The following SMCHD1 variants were observed in gnomAD, a reference collection of about 807,000 sequenced individuals.
The protein encoded by SMCHD1 is structural maintenance of chromosomes flexible hinge domain-containing protein 1.
SMCHD1 carries 78 observed loss-of-function variants against 254.7 expected under a neutral mutation model. The observed-to-expected ratio is 0.31, with a 90% CI of 0.26 to 0.37. The LOEUF (loss-of-function observed/expected upper bound fraction) is 0.37. Ranked by LOEUF, SMCHD1 falls within the 10% of genes least tolerant of loss-of-function variation. SMCHD1 has a pLI of 1.00. For synonymous variants in SMCHD1, 766 were observed against 794.9 expected (o/e 0.96, Z 0.61); for missense variants, 1,840 against 2,408.1 (o/e 0.76, Z 4.94).
Position 2,666,913 on chromosome 18 carries a change from G to A in SMCHD1, c.306G>A (p.Ser102=), listed in dbSNP as rs7229488. 1.2e-4 allele frequency: 196 copies of A among 1,613,102 alleles called. No individual in the cohort carries two copies. The African/African-American group carries it at 2.2e-3, about 18-fold the overall frequency. The change falls in exon 3 of 48, where the codon TCG becomes TCA. Residue 102 remains serine, a synonymous_variant. Transcript: ENST00000320876. ...KDGVTLYLLQ[S]VNQLLLTATK... is the part of the protein sequence containing the mutation. ...GAGTCACCTTATACCTGCTACAGTC[G>A]GTCAATCAGTTACTACTGACAGCTA...
intron 12 of SMCHD1, among the ~76,000 whole-genome samples, chr18:2,701,888 G>T (rs1227451948): frequency 6.6e-6 from 1 of 151,882 alleles, no homozygotes; most frequent in Non-Finnish European, 1.5e-5. Context: ...CATAGTATTT[G>T]TAGTCAGTCA....
intron 13 of SMCHD1, 52 bp downstream of exon 13, chr18:2,703,938 AAC>A (rs1283131362): frequency 1.8e-5 from 25 of 1,361,850 alleles, no homozygotes; most frequent in Admixed American, 2.6e-5. Flanking sequence ...TTTAATTTAA[AAC>A]ACATATGCAG....
intron 17 of SMCHD1, among the ~76,000 whole-genome samples, chr18:2,714,396 A>G (rs1234866461): frequency 6.6e-6 from 1 of 152,068 alleles, no homozygotes; most frequent in African/African-American, 2.4e-5. Context: ...TGTGAGTAGC[A>G]TTTAGTTGGT....
intron 5 of SMCHD1, among the ~76,000 whole-genome samples, chr18:2,674,758 A>G (rs1310129013): frequency 1.3e-5 from 2 of 152,228 alleles, no homozygotes; most frequent in Non-Finnish European, 2.9e-5. Flanking sequence ...ATGTTGCTCT[A>G]CTTCTAACAA....
intron 47 of SMCHD1, among the ~76,000 whole-genome samples, chr18:2,800,154 A>G (rs1048977950): frequency 1.3e-5 from 2 of 151,934 alleles, no homozygotes; most frequent in Non-Finnish European, 2.9e-5. Flanking sequence ...AGTCAGTTAG[A>G]ACAAAAGAGT....
intron 40 of SMCHD1, 128 bp from the exon 41 acceptor site, chr18:2,772,122 A>C: frequency 1.5e-6 from 1 of 669,288 alleles, no homozygotes; most frequent in Non-Finnish European, 2.1e-6. Context: ...TTTTTTTTTT[A>C]ATAATGCCTA....
At chr18:2,751,252 T>G (rs2075565312) in intron 32 of SMCHD1, 26 bp from the exon 33 acceptor site, 5 of 1,309,834 alleles carry the variant, frequency 3.8e-6, no homozygotes, top group Non-Finnish European at 5.4e-6. Context: ...TAGAAAGAGA[T>G]AATTTTTTAA....
intron 39 of SMCHD1, among the ~76,000 whole-genome samples, 158 bp from the exon 40 acceptor site, chr18:2,771,375 A>G (rs1298844588): frequency 6.6e-6 from 1 of 152,162 alleles, no homozygotes; most frequent in African/African-American, 2.4e-5. Flanking sequence ...CTTAAGATGT[A>G]TAGTTTAATT....
rs596500 is a variant in SMCHD1, at chr18:2,674,254, T to C, written c.638+109T>C. 0.051 allele frequency: 42,837 copies of C among 833,534 alleles called. 7,406 individuals are homozygous for C. Among genetic ancestry groups the C allele is most frequent in the African/African-American group, 0.5 (27,842 of 56,232 alleles). The allele number at this position is 833,534 out of a possible 1,614,324, so 51.6% of individuals were successfully genotyped here. A position where few individuals can be genotyped will look rare whatever the true frequency, so the allele number is the denominator to read the frequency against. On this transcript the variant is annotated intron_variant, in intron 5 of 47. Coordinates refer to ENST00000320876, the MANE Select transcript of SMCHD1 (RefSeq NM_015295.3). Reference sequence around the variant, plus strand: ...TGATACATTGGAGGTTTTACTGTTATTCACATATTTATTTAGGTTTTATAT... The same window carrying C: ...TGATACATTGGAGGTTTTACTGTTACTCACATATTTATTTAGGTTTTATAT...
chr18:2,740,181 G>T (rs573805235), intron 27 of SMCHD1, among the ~76,000 whole-genome samples: 82 of 152,106 alleles, frequency 5.4e-4, no homozygotes, highest in Admixed American at 1.6e-3. Flanking sequence ...AGAACATGTG[G>T]TGTTTGGTTT....
chr18:2,779,386 G>A (rs1372020490), intron 44 of SMCHD1, among the ~76,000 whole-genome samples: 1 of 152,184 alleles, frequency 6.6e-6, no homozygotes, highest in Admixed American at 6.5e-5. Context: ...ATGAGGGTGA[G>A]ATAGAGTAGG....
chr18:2,774,446 C>T (rs1219064978), intron 41 of SMCHD1, among the ~76,000 whole-genome samples: 2 of 152,062 alleles, frequency 1.3e-5, no homozygotes, highest in African/African-American at 4.8e-5. Context: ...GGATCTCACT[C>T]CTGTCGCCCA....
In SMCHD1 at chr18:2,748,380, G is replaced by GTGTGTGTGTA. The variant is rs561439889; in HGVS notation, c.3927+736_3927+737insGTGTGTATGT. 3.2e-3 allele frequency among the ~76,000 whole-genome samples: 253 copies of GTGTGTGTGTA among 80,236 alleles called. 22 individuals are homozygous for GTGTGTGTGTA. The highest frequency in any genetic ancestry group is 0.014 in the African/African-American group (206 of 14,550). The allele number at this position is 80,236 out of a possible 152,430, so 52.6% of individuals were successfully genotyped here. ...TGTGTGTGTGTGTGTGTGTGTGTGT[G>GTGTGTGTGTA]TGTATATAAATTTTTTTTTTTTTTT... is the stretch of plus-strand genomic sequence containing the variant. On this transcript the variant is annotated intron_variant, in intron 30 of 47. Coordinates refer to ENST00000320876, the MANE Select transcript of SMCHD1 (RefSeq NM_015295.3).
At chr18:2,672,574 GC>G (rs1244355950) in intron 3 of SMCHD1, among the ~76,000 whole-genome samples, 1 of 152,160 alleles carries the variant, frequency 6.6e-6, no homozygotes, top group Non-Finnish European at 1.5e-5. Context: ...TTAAGCTTCT[GC>G]AGAATTAAGA....
chr18:2,779,083 A>AGT (rs1179750326), intron 44 of SMCHD1: 1 of 152,262 alleles, frequency 6.6e-6, no homozygotes, highest in African/African-American at 2.4e-5. Context: ...AAAAGATTAT[A>AGT]GTGGAGCACA....
intron 22 of SMCHD1, among the ~76,000 whole-genome samples, chr18:2,727,999 T>TAGTG (rs2143449939): frequency 6.6e-6 from 1 of 152,122 alleles, no homozygotes; most frequent in South Asian, 2.1e-4. Context: ...ACATCAGAGG[T>TAGTG]AGTGGGCAAT....
chr18:2,671,875 G>A (rs1163174298), intron 3 of SMCHD1, among the ~76,000 whole-genome samples: 3 of 152,070 alleles, frequency 2.0e-5, no homozygotes, highest in Non-Finnish European at 4.4e-5. Flanking sequence ...TGGGATTACA[G>A]GCGTGAGCCA....
intron 6 of SMCHD1, 23 bp from the exon 7 acceptor site, chr18:2,688,605 G>A: frequency 1.3e-6 from 2 of 1,568,144 alleles, no homozygotes; most frequent in East Asian, 4.6e-5. Context: ...AATTTAAAAA[G>A]TACTCTTTTT....
At chr18:2,705,994 C>T (rs1409290383) in intron 14 of SMCHD1, among the ~76,000 whole-genome samples, 187 bp downstream of exon 14, 2 of 152,132 alleles carry the variant, frequency 1.3e-5, no homozygotes, top group East Asian at 1.9e-4. Flanking sequence ...ATCATATGCT[C>T]AGTTTTTGTA....
Sources: allele counts gnomAD v4.1 joint callset (sites outside exome capture counted in the v4.1 genomes callset), GRCh38; gene constraint gnomAD v4.1.1; transcripts MANE v1.5; gene names NCBI Gene and HGNC (gene_info 2026-07-23, HGNC 2026-07-21).